The following SLC24A2 variants were observed in gnomAD, a reference collection of about 807,000 sequenced individuals.
SLC24A2 encodes sodium/potassium/calcium exchanger 2.
In SLC24A2, 36 loss-of-function variants were observed where a neutral mutation model predicts 62.0. The observed-to-expected ratio is 0.58, with a 90% CI of 0.44 to 0.77. The LOEUF (loss-of-function observed/expected upper bound fraction) is 0.77. Ranked by LOEUF, SLC24A2 falls within the 30% of genes least tolerant of loss-of-function variation. The pLI is 0.00. For missense variants in SLC24A2, 846 were observed against 817.9 expected, an observed-to-expected ratio of 1.03 and a Z score of -0.42; for synonymous variants, 358 against 294.0, an observed-to-expected ratio of 1.22 and a Z score of -2.23.
chr9:19,645,953 CCTACCTGTGT>C (rs1818627901), intron 2 of SLC24A2, among the ~76,000 whole-genome samples: 1 of 152,198 alleles, frequency 6.6e-6, no homozygotes, highest in Admixed American at 6.5e-5. Context: ...TCTGCGTCTT[CCTACCTGTGT>C]GATCTTGGGA....
the SLC24A2 span, among the ~76,000 whole-genome samples, chr9:20,222,757 T>C: frequency 5.3e-5 from 8 of 152,056 alleles, no homozygotes; most frequent in African/African-American, 1.9e-4. Context: ...CAAAAAATGA[T>C]GAAATGTGAT....
At chr9:20,044,774 C>T in the SLC24A2 span, among the ~76,000 whole-genome samples, 2,206 of 152,174 alleles carry the variant, frequency 0.014, 52 homozygotes, top group African/African-American at 0.051. Flanking sequence ...TGTATATAGG[C>T]CCTAATGCTA....
At chr9:19,558,843 G>C (rs551579530) in intron 7 of SLC24A2, among the ~76,000 whole-genome samples, 1 of 152,132 alleles carries the variant, frequency 6.6e-6, no homozygotes, top group African/African-American at 2.4e-5. Flanking sequence ...TTTCCAATTA[G>C]GTTTCCTTGG....
the SLC24A2 span, among the ~76,000 whole-genome samples, chr9:20,182,722 T>C: frequency 6.6e-6 from 1 of 152,134 alleles, no homozygotes; most frequent in South Asian, 2.1e-4. Flanking sequence ...AACAGGCACA[T>C]GTATACCTAC....
At chr9:20,153,819 T>C in the SLC24A2 span, among the ~76,000 whole-genome samples, 4 of 152,018 alleles carry the variant, frequency 2.6e-5, no homozygotes, top group African/African-American at 7.2e-5. Flanking sequence ...TATAGGGACT[T>C]GAGTAATTTT....
the SLC24A2 span, among the ~76,000 whole-genome samples, chr9:20,303,298 G>A: frequency 6.6e-6 from 1 of 152,100 alleles, no homozygotes; most frequent in Non-Finnish European, 1.5e-5. Flanking sequence ...GAGTGAATTG[G>A]GAGGGAAAAT....
chr9:19,645,659 G>A (rs1418929405), intron 2 of SLC24A2, among the ~76,000 whole-genome samples: 1 of 152,098 alleles, frequency 6.6e-6, no homozygotes, highest in East Asian at 1.9e-4. Flanking sequence ...TGGGGGTGGG[G>A]ACAGTGGAGG....
intron 4 of SLC24A2, among the ~76,000 whole-genome samples, chr9:19,606,218 A>C (rs955864028): frequency 1.3e-5 from 2 of 152,252 alleles, no homozygotes; most frequent in African/African-American, 2.4e-5. Flanking sequence ...AAAAAAATCC[A>C]TAACTGGATA....
At chr9:19,980,083 T>C in the SLC24A2 span, among the ~76,000 whole-genome samples, 435 of 152,286 alleles carry the variant, frequency 2.9e-3, 2 homozygotes, top group African/African-American at 9.8e-3. Flanking sequence ...AACTTACTTT[T>C]TGGTGGGACT....
At chr9:20,107,015 A>G in the SLC24A2 span, among the ~76,000 whole-genome samples, 1 of 152,266 alleles carries the variant, frequency 6.6e-6, no homozygotes, top group Admixed American at 6.5e-5. Flanking sequence ...AGGATACAAA[A>G]TCAATGTACA....
chr9:19,856,730 T>A, the SLC24A2 span, among the ~76,000 whole-genome samples: 1 of 152,206 alleles, frequency 6.6e-6, no homozygotes, highest in Non-Finnish European at 1.5e-5. Flanking sequence ...GTATAAGGTG[T>A]CTGGCAGTGC....
the SLC24A2 span, among the ~76,000 whole-genome samples, chr9:20,129,468 A>AAAAAT: frequency 6.6e-6 from 1 of 152,130 alleles, no homozygotes; most frequent in African/African-American, 2.4e-5. Context: ...TCAAACAAAA[A>AAAAAT]CTTGTACACG....
intron 2 of SLC24A2, among the ~76,000 whole-genome samples, chr9:19,682,501 C>A (rs1819751956): frequency 6.6e-6 from 1 of 152,138 alleles, no homozygotes; most frequent in African/African-American, 2.4e-5. Context: ...GGAAAAACTT[C>A]AACACCAAAC....
At chr9:19,736,595 T>G (rs900611042) in intron 2 of SLC24A2, among the ~76,000 whole-genome samples, 1 of 152,022 alleles carries the variant, frequency 6.6e-6, no homozygotes, top group African/African-American at 2.4e-5. Flanking sequence ...TGCCAGCACT[T>G]TGAGAGGCTG....
chr9:19,910,107 A>G, the SLC24A2 span, among the ~76,000 whole-genome samples: 1 of 152,068 alleles, frequency 6.6e-6, no homozygotes, highest in Non-Finnish European at 1.5e-5. Context: ...TAGCGTCACC[A>G]TACTCTCTAG....
At chr9:19,516,668 A>G (rs1832944563) in intron 10 of SLC24A2, among the ~76,000 whole-genome samples, 1 of 152,164 alleles carries the variant, frequency 6.6e-6, no homozygotes, top group African/African-American at 2.4e-5. Context: ...GCTGTGGGTG[A>G]TTTCTACATT....
At chr9:19,781,163 G>T (rs768146699) in intron 2 of SLC24A2, among the ~76,000 whole-genome samples, 2 of 152,154 alleles carry the variant, frequency 1.3e-5, no homozygotes, top group African/African-American at 4.8e-5. Flanking sequence ...ACAAAAGAAG[G>T]TTGAAAATAA....
chr9:19,641,132 A>G (rs1818481492), intron 2 of SLC24A2, among the ~76,000 whole-genome samples: 1 of 152,202 alleles, frequency 6.6e-6, no homozygotes, highest in South Asian at 2.1e-4. Flanking sequence ...AGATGTAAAG[A>G]TGGTGGCCAC....
rs549184211 is a variant in SLC24A2 at position 19,723,735 on chromosome 9, T to C, written c.930+62202A>G. Among the ~76,000 whole-genome samples the C allele has an allele frequency of 7.9e-5, 12 of 152,176 alleles. No homozygotes were observed. The East Asian group carries it at 2.1e-3, about 27-fold the overall frequency. ...ATTTCAGGAGAATTTCTAGTAATAATTAATAATAGAAGTCCAGGGCCAGAA... is the reference window on the plus strand; with the variant it reads ...ATTTCAGGAGAATTTCTAGTAATAACTAATAATAGAAGTCCAGGGCCAGAA... On this transcript the variant is annotated intron_variant, in intron 2 of 10. Coordinates refer to ENST00000341998, the MANE Select transcript of SLC24A2 (RefSeq NM_020344.4).
Sources: allele counts gnomAD v4.1 joint callset (sites outside exome capture counted in the v4.1 genomes callset), GRCh38; gene constraint gnomAD v4.1.1; transcripts MANE v1.5; gene names NCBI Gene and HGNC (gene_info 2026-07-23, HGNC 2026-07-21).